Variants in CDC73 observed in about 807,000 individuals in gnomAD.
CDC73 encodes the protein parafibromin.
Under a neutral mutation model 83.7 loss-of-function variants are expected in CDC73, and 21 were observed. The observed-to-expected ratio is 0.25, with a 90% CI of 0.18 to 0.36. The LOEUF (loss-of-function observed/expected upper bound fraction) is 0.36. CDC73 is among the 10% of genes least tolerant of loss of function. CDC73 has a pLI of 1.00. For synonymous variants in CDC73, 224 were observed against 212.9 expected, an observed-to-expected ratio of 1.05 and a Z score of -0.45; for missense variants, 342 against 653.3, an observed-to-expected ratio of 0.52 and a Z score of 5.19.
chr1:193,234,082 A>G (rs899825364), intron 14 of CDC73, among the ~76,000 whole-genome samples: 4 of 148,144 alleles, frequency 2.7e-5, no homozygotes, highest in Admixed American at 6.8e-5. Flanking sequence ...GCAATTAATT[A>G]GTGTCACAGT....
intron 10 of CDC73, among the ~76,000 whole-genome samples, chr1:193,182,320 CACTTTCAAAAATTTTA>C: frequency 6.6e-6 from 1 of 152,106 alleles, no homozygotes; most frequent in East Asian, 1.9e-4. Context: ...AAATGATTAA[CACTTTCAAAAATTTTA>C]ACTTTTCTTT....
chr1:193,199,710 C>CAA (rs879633462), intron 10 of CDC73, among the ~76,000 whole-genome samples: 4 of 75,106 alleles, frequency 5.3e-5, no homozygotes, highest in Admixed American at 1.5e-4. Flanking sequence ...GACTCCATCT[C>CAA]AAAAAAAAAA....
intron 10 of CDC73, among the ~76,000 whole-genome samples, chr1:193,158,737 C>T (rs951234780): frequency 4.6e-5 from 7 of 151,960 alleles, no homozygotes; most frequent in Admixed American, 2.0e-4. Context: ...ATCATGTGTC[C>T]GCCTAGCAGT....
chr1:193,237,404 CCTT>C lies in CDC73; in HGVS notation c.1417+1052_1417+1054del, dbSNP rs879841259. Among the ~76,000 whole-genome samples, 16 of 152,200 alleles carry C rather than the reference CCTT, an allele frequency of 1.1e-4. No homozygotes were observed. In the East Asian group the frequency reaches 3.1e-3, roughly 29 times the overall value. ...GGGAGAAATAGAAAAAAGATGCAAA[CCTT>C]CTTGGAAGGCTGGGAGGTTTTGCAA... On this transcript the variant is annotated intron_variant, in intron 15 of 16. Transcript: ENST00000367435.
chr1:193,197,813 C>T (rs1481044584), intron 10 of CDC73, among the ~76,000 whole-genome samples: 1 of 151,488 alleles, frequency 6.6e-6, no homozygotes, highest in African/African-American at 2.4e-5. Context: ...GCACTCCCAG[C>T]TACTCAGGAG....
chr1:193,135,216 ATAGAT>A (rs1675770195), intron 3 of CDC73, among the ~76,000 whole-genome samples, 170 bp from the exon 4 acceptor site: 1 of 152,212 alleles, frequency 6.6e-6, no homozygotes, highest in African/African-American at 2.4e-5. Flanking sequence ...ACTTTCTAGT[ATAGAT>A]TAATCTTTTA....
intron 13 of CDC73, among the ~76,000 whole-genome samples, chr1:193,215,855 G>C (rs1378880031): frequency 6.6e-6 from 1 of 152,238 alleles, no homozygotes; most frequent in Non-Finnish European, 1.5e-5. Context: ...CTCCCGAAGG[G>C]CTGGGATTAC....
rs943151694 is a variant in CDC73 at position 193,254,590 on chromosome 1, A to T, written c.*3878A>T. Among the ~76,000 whole-genome samples, 2 of 152,168 alleles carry T rather than the reference A, an allele frequency of 1.3e-5. No individual in the cohort carries two copies. The highest frequency in any genetic ancestry group is 2.9e-5 in the Non-Finnish European group (2 of 68,006). On this transcript the variant is annotated 3_prime_UTR_variant, in exon 17 of 17. Coordinates refer to ENST00000367435, the MANE Select transcript of CDC73 (RefSeq NM_024529.5). Reference sequence around the variant, plus strand: ...CTGTTGGAATAATAACTAAGGAAAAATTGAAAATGTATAATAGATGTATAA... The same window carrying T: ...CTGTTGGAATAATAACTAAGGAAAATTTGAAAATGTATAATAGATGTATAA...
In CDC73 at chr1:193,165,787, G is replaced by A. The variant is rs147052021; in HGVS notation, c.972+13343G>A. Among the ~76,000 whole-genome samples, 1,441 of 152,304 alleles carry A rather than the reference G, an allele frequency of 9.5e-3. 15 individuals carry two copies. Among genetic ancestry groups the A allele is most frequent in the South Asian group, 0.034 (164 of 4,826 alleles). Reference sequence around the variant, plus strand: ...GCATAAAATTGATCAAAATGTGGTTGAGGTCTCCACTGGTACACTTAAGCT... The same window carrying A: ...GCATAAAATTGATCAAAATGTGGTTAAGGTCTCCACTGGTACACTTAAGCT... On this transcript the variant is annotated intron_variant, in intron 10 of 16. Transcript: ENST00000367435.
At chr1:193,210,260 A>G (rs1200566466) in intron 11 of CDC73, among the ~76,000 whole-genome samples, 6 of 152,230 alleles carry the variant, frequency 3.9e-5, no homozygotes, top group Non-Finnish European at 7.3e-5. Flanking sequence ...AGGATTACAA[A>G]GAATTAGTGA....
intron 10 of CDC73, among the ~76,000 whole-genome samples, chr1:193,160,442 GA>G (rs1192035069): frequency 1.3e-5 from 2 of 152,032 alleles, no homozygotes; most frequent in African/African-American, 4.8e-5. Flanking sequence ...TTTATACTAT[GA>G]AACATAGTTT....
In CDC73 at chr1:193,252,396, A is replaced by C; in HGVS notation, c.*1684A>C. 1 of 229,798 alleles carries C rather than the reference A, an allele frequency of 4.4e-6. No individual in the cohort carries two copies. Among genetic ancestry groups the C allele is most frequent in the South Asian group, 1.8e-4 (1 of 5,498 alleles). The allele number at this position is 229,798 out of a possible 1,614,324, so 14.2% of individuals were successfully genotyped here. A position where few individuals can be genotyped will look rare whatever the true frequency, so the allele number is the denominator to read the frequency against. On this transcript the variant is annotated 3_prime_UTR_variant, in exon 17 of 17. Coordinates refer to ENST00000367435, the MANE Select transcript of CDC73 (RefSeq NM_024529.5). Reference sequence around the variant, plus strand: ...AAGGACCAGAATCTGTAATATTTTTATGTAAGATTACTTGTCAAGACTACT... The same window carrying C: ...AAGGACCAGAATCTGTAATATTTTTCTGTAAGATTACTTGTCAAGACTACT...
At chr1:193,162,140 A>ATATCATCTATTATC (rs1676336007) in intron 10 of CDC73, among the ~76,000 whole-genome samples, 1 of 104,514 alleles carries the variant, frequency 9.6e-6, no homozygotes, top group African/African-American at 3.9e-5. Context: ...TATATAATAT[A>ATATCATCTATTATC]TATTATATAT....
At chr1:193,122,841 C>T (rs1489086204) in intron 1 of CDC73, among the ~76,000 whole-genome samples, 1 of 152,004 alleles carries the variant, frequency 6.6e-6, no homozygotes, top group African/African-American at 2.4e-5. Flanking sequence ...GGAATCAACC[C>T]TGAAGTTAGG....
chr1:193,150,304 G>A lies in CDC73; in HGVS notation c.829G>A (p.Asp277Asn). The change falls in exon 9 of 17, where the codon GAT (aspartate) becomes AAT (asparagine). Residue 277 changes from aspartate to asparagine, a missense_variant and splice_region_variant. This residue lies in a region of CDC73 where 239 missense variants were observed against 420.6 expected (regional missense o/e 0.57). Transcript: ENST00000367435. ...TAACTCATAATTAATTTTTTTACAGGATCCCACTTTGCGCACCAAACAGCC... is the reference window on the plus strand; with the variant it reads ...TAACTCATAATTAATTTTTTTACAGAATCCCACTTTGCGCACCAAACAGCC... ...QRPAPNAAPVDPTLRTKQPIP... is the reference protein window; with the variant it reads ...QRPAPNAAPVNPTLRTKQPIP... 1 of 1,600,034 alleles carries A rather than the reference G, an allele frequency of 6.2e-7. No individual in the cohort carries two copies. The highest frequency in any genetic ancestry group is 8.6e-7 in the Non-Finnish European group (1 of 1,167,320).
At chr1:193,196,835 AT>A (rs1250947125) in intron 10 of CDC73, among the ~76,000 whole-genome samples, 1 of 152,200 alleles carries the variant, frequency 6.6e-6, no homozygotes, top group Non-Finnish European at 1.5e-5. Context: ...TATTATTAAT[AT>A]AACTTTTTTG....
chr1:193,248,696 T>C (rs2102072250), intron 15 of CDC73, among the ~76,000 whole-genome samples: 1 of 152,170 alleles, frequency 6.6e-6, no homozygotes, highest in East Asian at 1.9e-4. Flanking sequence ...GGTTCATAGA[T>C]GACTTTGAGG....
Position 193,212,368 on chromosome 1 carries a change from CCT to C in CDC73, c.1067-21_1067-20del. The C allele has an allele frequency of 7.3e-7, 1 of 1,364,650 alleles. No individual in the cohort carries two copies. The highest frequency in any genetic ancestry group is 1.0e-6 in the Non-Finnish European group (1 of 968,626). 84.5% of individuals were successfully genotyped at this position (1,364,650 alleles called of 1,614,324 possible). A position where few individuals can be genotyped will look rare whatever the true frequency, so the allele number is the denominator to read the frequency against. Reference sequence around the variant, plus strand: ...ATAATTTCTAATAATATATTTTCTACCTGTAAATTTTGTCTTTATAGGATCTC... The same window carrying C: ...ATAATTTCTAATAATATATTTTCTACGTAAATTTTGTCTTTATAGGATCTC... On this transcript the variant is annotated intron_variant, in intron 12 of 16. Coordinates refer to ENST00000367435, the MANE Select transcript of CDC73 (RefSeq NM_024529.5).
chr1:193,155,958 A>G (rs780166074), intron 10 of CDC73, among the ~76,000 whole-genome samples: 80 of 152,326 alleles, frequency 5.3e-4, no homozygotes, highest in African/African-American at 1.3e-3. Context: ...AGTGTTTCAT[A>G]GAATCAGGTT....
Sources: allele counts gnomAD v4.1 joint callset (sites outside exome capture counted in the v4.1 genomes callset), GRCh38; gene constraint gnomAD v4.1.1; regional missense constraint gnomAD v4.1.1; transcripts MANE v1.5; gene names NCBI Gene and HGNC (gene_info 2026-07-23, HGNC 2026-07-21).